KIAA1671: variants seen among roughly 807,000 people sequenced by gnomAD.
The protein encoded by KIAA1671 is uncharacterized protein KIAA1671.
In KIAA1671, 52 loss-of-function variants were observed where a neutral mutation model predicts 131.2. The ratio of observed to expected loss-of-function variants is 0.40; its 90% confidence interval spans 0.32 to 0.50. KIAA1671 has a LOEUF of 0.50. Ranked by LOEUF, KIAA1671 falls within the 20% of genes least tolerant of loss-of-function variation. The pLI, the probability that KIAA1671 is intolerant of heterozygous loss-of-function variation, is 0.73. For missense variants in KIAA1671, 2,360 were observed against 2,364.2 expected (o/e 1.00, Z 0.04); for synonymous variants, 1,003 against 961.6 (o/e 1.04, Z -0.80).
intron 7 of KIAA1671, among the ~76,000 whole-genome samples, 199 bp from the exon 8 acceptor site, chr22:25,174,041 G>A (rs1405679156): frequency 1.3e-5 from 2 of 152,150 alleles, no homozygotes; most frequent in Non-Finnish European, 2.9e-5. Flanking sequence ...AGGTGTTCCA[G>A]GCAGTGCCTT....
chr22:24,953,249 T>C lies in KIAA1671; in HGVS notation c.-208+477T>C, dbSNP rs112416370. Among the ~76,000 whole-genome samples, 951 of 152,206 alleles carry C rather than the reference T, an allele frequency of 6.2e-3. 6 individuals are homozygous for C. Among genetic ancestry groups the C allele is most frequent in the African/African-American group, 0.022 (897 of 41,560 alleles). On this transcript the variant is annotated intron_variant, in intron 1 of 12. Transcript: ENST00000358431. ...TGGGAATGGATTCAGAGAGATCCCG[T>C]GGCTAGGAGCTGAGGGATCGCTGGA...
At position 25,179,616 on chromosome 22, in the gene KIAA1671, CA is replaced by C. The variant is rs537416378; in HGVS notation, c.5075-2079del. On this transcript the variant is annotated intron_variant, in intron 9 of 12. Transcript: ENST00000358431. ...GCGTTGGCCTCCAGGGTGGCACTCC[CA>C]AAAGTGGAAACTGATTTCTTGTTAT... is the stretch of plus-strand genomic sequence containing the variant. 5.2e-6 allele frequency: 5 copies of C among 955,816 alleles called. No individual in the cohort carries two copies. In the South Asian group the frequency reaches 6.5e-5, roughly 12 times the overall value. 59.2% of individuals were successfully genotyped at this position (955,816 alleles called of 1,614,324 possible). A position where few individuals can be genotyped will look rare whatever the true frequency, so the allele number is the denominator to read the frequency against.
At chr22:24,989,910 C>T (rs910233451) in intron 1 of KIAA1671, among the ~76,000 whole-genome samples, 9 of 152,024 alleles carry the variant, frequency 5.9e-5, no homozygotes, top group African/African-American at 1.9e-4. Flanking sequence ...CCCCAGAAAC[C>T]TTGTTGGGTT....
intron 6 of KIAA1671, chr22:25,050,270 A>G (rs1426195591): frequency 3.3e-5 from 5 of 152,174 alleles, no homozygotes; most frequent in African/African-American, 9.7e-5. Flanking sequence ...GTGTGCCCAC[A>G]TGGGTTCCAG....
At chr22:25,053,143 G>A (rs1927630992) in intron 6 of KIAA1671, 1 of 152,238 alleles carries the variant, frequency 6.6e-6, no homozygotes, top group African/African-American at 2.4e-5. Flanking sequence ...CCAGTGTAGG[G>A]AAGTGTCTTG....
intron 6 of KIAA1671, among the ~76,000 whole-genome samples, chr22:25,165,984 C>G (rs1406760408): frequency 2.0e-5 from 3 of 152,190 alleles, no homozygotes; most frequent in African/African-American, 7.2e-5. Flanking sequence ...GTAACCCTTT[C>G]CCTAACCCCA....
chr22:25,107,577 C>G (rs1931084562), intron 6 of KIAA1671, among the ~76,000 whole-genome samples: 1 of 143,530 alleles, frequency 7.0e-6, no homozygotes, highest in African/African-American at 2.6e-5. Context: ...CAGGCTGAAG[C>G]AATCCTTCTA....
At chr22:25,118,062 C>T (rs553518716) in intron 6 of KIAA1671, among the ~76,000 whole-genome samples, 11 of 149,022 alleles carry the variant, frequency 7.4e-5, no homozygotes, top group African/African-American at 1.7e-4. Flanking sequence ...TGCTTGAACC[C>T]GGGAGGTGGA....
chr22:25,022,965 G>A (rs1925753038), intron 1 of KIAA1671: 1 of 152,452 alleles, frequency 6.6e-6, no homozygotes, highest in East Asian at 1.9e-4. Context: ...CAGCACTTTG[G>A]GAGGCCGAGG....
chr22:25,085,816 A>T (rs939133506), intron 6 of KIAA1671, among the ~76,000 whole-genome samples: 1 of 151,768 alleles, frequency 6.6e-6, no homozygotes, highest in African/African-American at 2.4e-5. Context: ...GGAGGAAGGG[A>T]GGAAGGCTGT....
chr22:25,093,722 CACACACACACACACACTCTCTCTCTCT>C (rs1930147830), intron 6 of KIAA1671, among the ~76,000 whole-genome samples: 1 of 124,228 alleles, frequency 8.0e-6, no homozygotes, highest in Non-Finnish European at 1.6e-5. Context: ...CACACACACA[CACACACACACACACACTCTCTCTCTCT>C]CTCTCTCTCT....
intron 6 of KIAA1671, among the ~76,000 whole-genome samples, chr22:25,083,088 C>T (rs1018419915): frequency 6.6e-6 from 1 of 152,160 alleles, no homozygotes; most frequent in Non-Finnish European, 1.5e-5. Flanking sequence ...TATTAAAAAA[C>T]CAGAGACTTC....
At chr22:25,144,410 T>C (rs746124751) in intron 6 of KIAA1671, among the ~76,000 whole-genome samples, 1 of 152,142 alleles carries the variant, frequency 6.6e-6, no homozygotes, top group African/African-American at 2.4e-5. Flanking sequence ...GCTCCTGTGA[T>C]GGGGAATGTG....
intron 6 of KIAA1671, among the ~76,000 whole-genome samples, chr22:25,097,663 C>T (rs2145890442): frequency 6.6e-6 from 1 of 151,930 alleles, no homozygotes; most frequent in Middle Eastern, 3.4e-3. Flanking sequence ...TGGCGTGAAC[C>T]TGGGAGGCGG....
At chr22:25,062,913 T>G (rs1224744343) in intron 6 of KIAA1671, 1 of 150,878 alleles carries the variant, frequency 6.6e-6, no homozygotes, top group African/African-American at 2.4e-5. Context: ...CTCTGTGGGT[T>G]GGCTCTGCCC....
intron 6 of KIAA1671, among the ~76,000 whole-genome samples, chr22:25,106,834 G>A (rs1003082037): frequency 6.6e-6 from 1 of 152,240 alleles, no homozygotes; most frequent in Non-Finnish European, 1.5e-5. Context: ...AGCATGGCTT[G>A]CACTGCACTG....
chr22:25,157,303 G>C (rs1210696898), intron 6 of KIAA1671, among the ~76,000 whole-genome samples: 3 of 152,114 alleles, frequency 2.0e-5, no homozygotes, highest in Non-Finnish European at 4.4e-5. Flanking sequence ...CAGTTTTCTT[G>C]TGTCCTTAGG....
At chr22:25,090,604 C>G (rs1040761628) in intron 6 of KIAA1671, among the ~76,000 whole-genome samples, 3 of 152,242 alleles carry the variant, frequency 2.0e-5, no homozygotes, top group Non-Finnish European at 2.9e-5. Flanking sequence ...AGGGGCTGGC[C>G]CCTTCTGCCT....
chr22:25,105,218 C>T (rs1314068454), intron 6 of KIAA1671, among the ~76,000 whole-genome samples: 2 of 152,014 alleles, frequency 1.3e-5, no homozygotes, highest in East Asian at 1.9e-4. Flanking sequence ...TATGGGGTTT[C>T]GCCATGTTGG....
Sources: gnomAD v4.1 joint callset for allele counts (sites outside exome capture counted in the v4.1 genomes callset) on GRCh38, gnomAD v4.1.1 for gene constraint, MANE v1.5 for transcripts, NCBI Gene and HGNC (gene_info 2026-07-23, HGNC 2026-07-21) for gene names.